Variants in BSCL2 observed in about 807,000 individuals in gnomAD.
BSCL2 encodes seipin.
A neutral mutation model predicts 57.4 loss-of-function variants in BSCL2; 41 were observed. The observed-to-expected ratio is 0.71, with a 90% CI of 0.56 to 0.93. The LOEUF (loss-of-function observed/expected upper bound fraction) is 0.93. Ranked by LOEUF, BSCL2 falls within the 40% of genes least tolerant of loss-of-function variation. The pLI, the probability that BSCL2 is intolerant of heterozygous loss-of-function variation, is 0.00. For synonymous variants in BSCL2, 237 were observed against 227.3 expected, an observed-to-expected ratio of 1.04 and a Z score of -0.38; for missense variants, 539 against 586.7, an observed-to-expected ratio of 0.92 and a Z score of 0.84.
rs1336811208 is a variant in BSCL2, at chr11:62,696,299, T to TGTGTGTGC, written c.487-1589_487-1588insGCACACAC. 5.1e-4 allele frequency among the ~76,000 whole-genome samples: 77 copies of TGTGTGTGC among 151,298 alleles called. 2 individuals are homozygous for TGTGTGTGC. Among genetic ancestry groups the TGTGTGTGC allele is most frequent in the Non-Finnish European group, 1.0e-3 (69 of 67,780 alleles). ...CTTTTTGTGTGTGTGTGTGTGTGTG[T>TGTGTGTGC]GTGTGTGTGTGTGTGAAGACAAGGT... On this transcript the variant is annotated intron_variant, in intron 3 of 10. Transcript: ENST00000360796.
chr11:62,697,190 C>A (rs1945495821), intron 3 of BSCL2, among the ~76,000 whole-genome samples: 1 of 151,354 alleles, frequency 6.6e-6, no homozygotes, highest in Non-Finnish European at 1.5e-5. Context: ...GTCAGGAGAT[C>A]GAGACCATCC....
At chr11:62,698,468 G>C (rs192442953) in intron 3 of BSCL2, among the ~76,000 whole-genome samples, 41 of 152,318 alleles carry the variant, frequency 2.7e-4, no homozygotes, top group Middle Eastern at 3.4e-3. Flanking sequence ...AAAGTGCTGG[G>C]ATTACAGGCA....
At chr11:62,693,614 T>G (rs1295895243) in intron 4 of BSCL2, among the ~76,000 whole-genome samples, 1 of 152,202 alleles carries the variant, frequency 6.6e-6, no homozygotes, top group Non-Finnish European at 1.5e-5. Flanking sequence ...ACCCATTTTA[T>G]AATACTTTAT....
Position 62,690,666 on chromosome 11 carries a change from G to C in BSCL2, c.1180C>G (p.Pro394Ala). ...TEGQLSEEEK[P>A]DQQPLSGEEE... ...TCTCCGCTCAGGGGCTGCTGATCTG[G>C]TTTCTCCTCCTCGGACAGCTGACCC... The change falls in exon 10 of 11, where the codon CCA (proline) becomes GCA (alanine). Residue 394 changes from proline to alanine, a missense_variant. Coordinates refer to ENST00000360796, the MANE Select transcript of BSCL2 (RefSeq NM_001122955.4). 2 of 1,613,886 alleles carry C rather than the reference G, an allele frequency of 1.2e-6. No individual in the cohort carries two copies. The highest frequency in any genetic ancestry group is 1.7e-6 in the Non-Finnish European group (2 of 1,180,012).
upstream of BSCL2, chr11:62,708,284 C>G (rs1368104440): frequency 6.3e-7 from 1 of 1,589,732 alleles, no homozygotes; most frequent in Admixed American, 1.7e-5. Context: ...AGAGGTCCCT[C>G]TTTTTTCCAG....
At chr11:62,707,928 C>T (rs1270662427), upstream of BSCL2, 3 of 303,380 alleles carry the variant, frequency 9.9e-6, no homozygotes, top group East Asian at 1.5e-4. Context: ...AAGTAATGGC[C>T]TGTTTTTCTC....
intron 1 of BSCL2, chr11:62,706,256 C>T (rs2083532001): frequency 9.1e-7 from 1 of 1,098,678 alleles, no homozygotes. Context: ...GCTGCCGACT[C>T]ACCAGCCTCG....
At chr11:62,709,169 G>A (rs898623017), upstream of BSCL2, 3 of 464,620 alleles carry the variant, frequency 6.5e-6, no homozygotes, top group Non-Finnish European at 4.3e-6. Context: ...GGAGGGTAAA[G>A]CCATTTGAAG....
Position 62,705,403 on chromosome 11 carries a change from G to C in BSCL2, c.302C>G (p.Thr101Ser), listed in dbSNP as rs1459362408. 3 of 1,614,102 alleles carry C rather than the reference G, an allele frequency of 1.9e-6. No individual in the cohort carries two copies. The highest frequency in any genetic ancestry group is 2.7e-5 in the African/African-American group (2 of 74,946). ...AGACACCCAGAGCAAAAGGAGGATG[G>C]TGCAGAAGAGCACCCCAAACTGCAG... ...LLLQFGVLFC[T>S]ILLLLWVSVF... Residue 101 changes from threonine to serine, a missense_variant, in exon 2 of 11, where the codon ACC (threonine) becomes AGC (serine). By Grantham distance (58) the Thr-to-Ser change is moderately conservative. Coordinates refer to ENST00000360796, the MANE Select transcript of BSCL2 (RefSeq NM_001122955.4).
intron 5 of BSCL2, 66 bp downstream of exon 5, chr11:62,692,597 C>A: frequency 1.2e-6 from 2 of 1,612,852 alleles, no homozygotes; most frequent in East Asian, 2.2e-5. Flanking sequence ...GGAGGCTTCT[C>A]AGGTAGAATC....
At chr11:62,693,796 G>A (rs1256287711) in intron 4 of BSCL2, among the ~76,000 whole-genome samples, 2 of 151,832 alleles carry the variant, frequency 1.3e-5, no homozygotes, top group African/African-American at 4.8e-5. Flanking sequence ...AAAGGTTTCT[G>A]GTTTTGTAAG....
intron 4 of BSCL2, 125 bp downstream of exon 4, chr11:62,694,443 G>A (rs1236592108): frequency 8.5e-6 from 12 of 1,412,588 alleles, no homozygotes; most frequent in African/African-American, 4.3e-5. Context: ...GGGCTCAAGC[G>A]ATCTGCCTGC....
At chr11:62,701,417 C>A (rs531552) in intron 3 of BSCL2, among the ~76,000 whole-genome samples, 108,496 of 152,038 alleles carry the variant, frequency 0.71, 39,612 homozygotes, top group Admixed American at 0.81. Context: ...CTTAGCCTAG[C>A]CTACCTTAAA....
chr11:62,707,550 C>A, upstream of BSCL2: 1 of 597,026 alleles, frequency 1.7e-6, no homozygotes. Flanking sequence ...AGCCCAGAGT[C>A]AGGATGCCTG....
rs111363747 is a variant in BSCL2, at chr11:62,706,244, G to A, written c.88-627C>T. Reference sequence around the variant, plus strand: ...GGAAACCAGCCCGCCGGCTGCCACAGGGCTGCCGACTCACCAGCCTCGCGC... The same window carrying A: ...GGAAACCAGCCCGCCGGCTGCCACAAGGCTGCCGACTCACCAGCCTCGCGC... On this transcript the variant is annotated intron_variant, in intron 1 of 10. Coordinates refer to ENST00000360796, the MANE Select transcript of BSCL2 (RefSeq NM_001122955.4). The A allele has an allele frequency of 4.8e-5, 53 of 1,093,334 alleles. 1 individual carries two copies. In the African/African-American group the frequency reaches 7.6e-4, roughly 16 times the overall value. 67.7% of individuals were successfully genotyped at this position (1,093,334 alleles called of 1,614,324 possible).
intron 3 of BSCL2, 139 bp downstream of exon 3, chr11:62,702,329 G>A (rs1945666232): frequency 1.4e-6 from 1 of 729,800 alleles, no homozygotes; most frequent in Non-Finnish European, 2.3e-6. Context: ...GCCTCCCAAA[G>A]TACTGGGATT....
intron 9 of BSCL2, 40 bp downstream of exon 9, chr11:62,690,747 A>C: frequency 6.2e-7 from 1 of 1,613,764 alleles, no homozygotes; most frequent in South Asian, 1.1e-5. Context: ...GGAGAAAGCC[A>C]AGGAGTCAGG....
At position 62,701,750 on chromosome 11, in the gene BSCL2, T is replaced by A. The variant is rs562789585; in HGVS notation, c.486+718A>T. On this transcript the variant is annotated intron_variant, in intron 3 of 10. Transcript: ENST00000360796. ...GGGAGGCTGAGGCAGGAGAATCGCT[T>A]GAACCCAGGAGGTGGAGGTTGCAGT... Among the ~76,000 whole-genome samples, 9 of 150,834 alleles carry A rather than the reference T, an allele frequency of 6.0e-5. No homozygotes were observed. In the East Asian group the frequency reaches 1.8e-3, roughly 30 times the overall value.
Position 62,694,553 on chromosome 11 carries a change from GCCA to G in BSCL2, c.630+12_630+14del, listed in dbSNP as rs1045195404. The stretch of plus-strand genomic sequence containing the variant: ...TCTTCCTCCACACCTTCTCAGACAG[GCCA>G]CCAACACTTACCGAACGCGAAGAAG... On this transcript the variant is annotated intron_variant, in intron 4 of 10. Coordinates refer to ENST00000360796, the MANE Select transcript of BSCL2 (RefSeq NM_001122955.4). 16 of 1,613,678 alleles carry G rather than the reference GCCA, an allele frequency of 9.9e-6. No individual in the cohort carries two copies. Among genetic ancestry groups the G allele is most frequent in the Non-Finnish European group, 1.4e-5 (16 of 1,179,960 alleles).
Sources: allele counts gnomAD v4.1 joint callset (sites outside exome capture counted in the v4.1 genomes callset), GRCh38; gene constraint gnomAD v4.1.1; transcripts MANE v1.5; gene names NCBI Gene and HGNC (gene_info 2026-07-23, HGNC 2026-07-21).